Variants in PRKG1 observed in about 807,000 individuals in gnomAD.
PRKG1 encodes cGMP-dependent protein kinase 1.
A neutral mutation model predicts 88.1 loss-of-function variants in PRKG1; 35 were observed. The observed-to-expected ratio is 0.40, with a 90% CI of 0.30 to 0.53. The LOEUF is 0.53. Among genes scored for constraint, PRKG1 ranks in the 20% least tolerant of loss-of-function variants. The pLI is 0.59. For missense variants in PRKG1, 540 were observed against 839.8 expected, an observed-to-expected ratio of 0.64 and a Z score of 4.41; for synonymous variants, 303 against 292.5, an observed-to-expected ratio of 1.04 and a Z score of -0.37.
At chr10:51,349,001 A>G (rs1357432977) in intron 2 of PRKG1, among the ~76,000 whole-genome samples, 4 of 151,980 alleles carry the variant, frequency 2.6e-5, no homozygotes, top group African/African-American at 4.8e-5. Flanking sequence ...ACTTGAGACG[A>G]TAGTGAGATG....
At chr10:51,681,268 A>T (rs1840843056) in intron 3 of PRKG1, among the ~76,000 whole-genome samples, 1 of 152,282 alleles carries the variant, frequency 6.6e-6, no homozygotes, top group South Asian at 2.1e-4. Context: ...TGGCTGCCAA[A>T]CCAGAAACAC....
chr10:51,188,318 T>A (rs77816556), intron 2 of PRKG1, among the ~76,000 whole-genome samples: 2 of 152,124 alleles, frequency 1.3e-5, no homozygotes, highest in East Asian at 3.9e-4. Context: ...AGGCTTTTCA[T>A]GTACTTTTTC....
At chr10:51,884,444 C>CAAAAAAAAAAA (rs57229967) in intron 4 of PRKG1, among the ~76,000 whole-genome samples, 6 of 70,026 alleles carry the variant, frequency 8.6e-5, no homozygotes, top group Non-Finnish European at 1.4e-4. Flanking sequence ...AACTCCGTCT[C>CAAAAAAAAAAA]AAAAAAAAAA....
chr10:51,245,349 C>T (rs1034320115), intron 2 of PRKG1: 5 of 152,074 alleles, frequency 3.3e-5, no homozygotes, highest in African/African-American at 1.2e-4. Flanking sequence ...AGTGCCAATG[C>T]ATCTTTCAAC....
At chr10:51,533,582 T>C (rs1269863360) in intron 3 of PRKG1, among the ~76,000 whole-genome samples, 1 of 149,214 alleles carries the variant, frequency 6.7e-6, no homozygotes, top group Non-Finnish European at 1.5e-5. Context: ...AGTATTTATG[T>C]CACAGAAATC....
At chr10:51,316,753 C>T (rs1327451962) in intron 2 of PRKG1, among the ~76,000 whole-genome samples, 1 of 151,816 alleles carries the variant, frequency 6.6e-6, no homozygotes, top group Admixed American at 6.6e-5. Flanking sequence ...ATTACGGACG[C>T]CTTAAAAATT....
chr10:51,954,794 A>G (rs553644679), intron 5 of PRKG1, among the ~76,000 whole-genome samples: 1 of 152,250 alleles, frequency 6.6e-6, no homozygotes, highest in Non-Finnish European at 1.5e-5. Context: ...TAGACTTGGT[A>G]TTGCTTATGG....
intron 3 of PRKG1, among the ~76,000 whole-genome samples, chr10:51,471,341 T>C (rs1840044184): frequency 6.6e-6 from 1 of 151,908 alleles, no homozygotes; most frequent in African/African-American, 2.4e-5. Context: ...TTTATCTAAA[T>C]ATTTTGAAAT....
At chr10:51,027,602 T>C (rs887912716) in intron 1 of PRKG1, among the ~76,000 whole-genome samples, 2 of 152,210 alleles carry the variant, frequency 1.3e-5, no homozygotes, top group Non-Finnish European at 2.9e-5. Context: ...ACATTATCAT[T>C]AAATCTTGCT....
rs2132723133 is a variant in PRKG1, at chr10:51,818,863, C to CGG, written c.698+14175_698+14176dup. The stretch of plus-strand genomic sequence containing the variant: ...TCTACTAAAAATACAAAAAATTAGC[C>CGG]GGGCGTAGTGGTGGGCGCCTGTAGT... On this transcript the variant is annotated intron_variant, in intron 4 of 17. Coordinates refer to ENST00000373980, the MANE Select transcript of PRKG1 (RefSeq NM_006258.4). Among the ~76,000 whole-genome samples, 2 of 130,208 alleles carry CGG rather than the reference C, an allele frequency of 1.5e-5. 1 individual carries two copies. Among genetic ancestry groups the CGG allele is most frequent in the East Asian group, 4.4e-4 (2 of 4,584 alleles). 85.4% of individuals were successfully genotyped at this position (130,208 alleles called of 152,430 possible). A position where few individuals can be genotyped will look rare whatever the true frequency, so the allele number is the denominator to read the frequency against.
At chr10:51,507,691 A>C (rs1168530191) in intron 3 of PRKG1, among the ~76,000 whole-genome samples, 1 of 152,096 alleles carries the variant, frequency 6.6e-6, no homozygotes, top group Non-Finnish European at 1.5e-5. Context: ...ACTGGGCACA[A>C]ATCCACTTCC....
intron 2 of PRKG1, chr10:51,319,994 C>T: frequency 4.4e-6 from 1 of 225,698 alleles, no homozygotes; most frequent in Non-Finnish European, 9.8e-6. Flanking sequence ...CACAGTGGTG[C>T]CACCAAACAC....
At chr10:51,219,524 A>G (rs535342334) in intron 2 of PRKG1, among the ~76,000 whole-genome samples, 59 of 152,030 alleles carry the variant, frequency 3.9e-4, no homozygotes, top group Non-Finnish European at 7.1e-4. Context: ...CCTGGCCAAC[A>G]TAGTGAAACC....
chr10:52,233,184 C>CAAA lies in PRKG1; in HGVS notation c.1077-18375_1077-18373dup, dbSNP rs3031022. 3.9e-4 allele frequency among the ~76,000 whole-genome samples: 55 copies of CAAA among 142,212 alleles called. 1 individual carries two copies. Among genetic ancestry groups the CAAA allele is most frequent in the African/African-American group, 1.3e-3 (48 of 37,870 alleles). The allele number at this position is 142,212 out of a possible 152,430, so 93.3% of individuals were successfully genotyped here. ...ATAACTTAGGTGAGGAAAAGGGAGC[C>CAAA]AAAAAAAAAAAAAGAGAGAGAGAGA... On this transcript the variant is annotated intron_variant, in intron 9 of 17. Transcript: ENST00000373980.
chr10:51,240,068 G>A (rs947527316), intron 2 of PRKG1, among the ~76,000 whole-genome samples: 2 of 152,134 alleles, frequency 1.3e-5, no homozygotes, highest in South Asian at 2.1e-4. Flanking sequence ...ATTAATTTAG[G>A]TGTGATCACA....
At chr10:51,578,736 G>C (rs1177736711) in intron 3 of PRKG1, among the ~76,000 whole-genome samples, 1 of 152,070 alleles carries the variant, frequency 6.6e-6, no homozygotes, top group African/African-American at 2.4e-5. Context: ...TTTCAATAGA[G>C]TCTGTTAGAA....
intron 3 of PRKG1, among the ~76,000 whole-genome samples, chr10:51,639,436 C>CAAAAAAAAAAAAAAAAAAA (rs769304908): frequency 3.1e-5 from 1 of 31,780 alleles, no homozygotes; most frequent in Non-Finnish European, 4.8e-5. Context: ...GACTCCATCT[C>CAAAAAAAAAAAAAAAAAAA]AAAAAAAAAA....
intron 1 of PRKG1, among the ~76,000 whole-genome samples, chr10:51,000,338 A>G (rs1842875833): frequency 6.6e-6 from 1 of 152,196 alleles, no homozygotes; most frequent in South Asian, 2.1e-4. Flanking sequence ...ATTGCACATA[A>G]TCCACAGACA....
At chr10:51,667,454 G>A (rs533353694) in intron 3 of PRKG1, among the ~76,000 whole-genome samples, 8 of 152,090 alleles carry the variant, frequency 5.3e-5, no homozygotes, top group Admixed American at 1.3e-4. Flanking sequence ...GTTGTCAATT[G>A]TAATAGTGTT....
Sources: gnomAD v4.1 joint callset for allele counts (sites outside exome capture counted in the v4.1 genomes callset) on GRCh38, gnomAD v4.1.1 for gene constraint, MANE v1.5 for transcripts, NCBI Gene and HGNC (gene_info 2026-07-23, HGNC 2026-07-21) for gene names.